TLL1: variants seen among roughly 807,000 people sequenced by gnomAD.
The protein encoded by TLL1 is tolloid-like protein 1.
In TLL1, 49 loss-of-function variants were observed where a neutral mutation model predicts 128.2. The ratio of observed to expected loss-of-function variants is 0.38; its 90% CI spans 0.30 to 0.48. The LOEUF is 0.48. Ranked by LOEUF, TLL1 falls within the 20% of genes least tolerant of loss-of-function variation. The pLI is 0.96. For synonymous variants in TLL1, 454 were observed against 418.8 expected (o/e 1.08, Z -1.03); for missense variants, 1,123 against 1,242.0 (o/e 0.90, Z 1.44).
intron 1 of TLL1, among the ~76,000 whole-genome samples, chr4:165,918,496 T>C (rs1007907234): frequency 7.2e-5 from 11 of 152,184 alleles, no homozygotes; most frequent in African/African-American, 2.7e-4. Context: ...GGGTCCTGAA[T>C]ATTCCTAGTT....
At chr4:165,962,286 G>A (rs1375613945) in intron 1 of TLL1, among the ~76,000 whole-genome samples, 2 of 152,192 alleles carry the variant, frequency 1.3e-5, no homozygotes, top group Non-Finnish European at 2.9e-5. Flanking sequence ...CTTCTCAAAA[G>A]AAGCCATACA....
At chr4:165,895,414 G>A (rs961506394) in intron 1 of TLL1, among the ~76,000 whole-genome samples, 1 of 151,952 alleles carries the variant, frequency 6.6e-6, no homozygotes, top group Non-Finnish European at 1.5e-5. Context: ...ATTAAAATAT[G>A]TGATTTTAAG....
intron 9 of TLL1, chr4:166,030,428 G>A (rs982243777): frequency 3.6e-6 from 2 of 558,354 alleles, no homozygotes; most frequent in Non-Finnish European, 6.6e-6. Flanking sequence ...GATATGATTT[G>A]CATATATTTT....
At chr4:165,964,970 T>G (rs1453986221) in intron 1 of TLL1, among the ~76,000 whole-genome samples, 1 of 152,006 alleles carries the variant, frequency 6.6e-6, no homozygotes, top group Non-Finnish European at 1.5e-5. Flanking sequence ...AATAAATAAA[T>G]GCAATAAAAA....
chr4:165,973,034 G>A (rs374405530), intron 1 of TLL1, among the ~76,000 whole-genome samples: 188 of 152,194 alleles, frequency 1.2e-3, no homozygotes, highest in African/African-American at 4.5e-3. Flanking sequence ...ATGCAGGTCC[G>A]TGCTTTATTA....
chr4:165,935,523 A>G (rs1032167677), intron 1 of TLL1, among the ~76,000 whole-genome samples: 42 of 152,374 alleles, frequency 2.8e-4, no homozygotes, highest in African/African-American at 9.6e-4. Context: ...TTAGCGAATT[A>G]CAAGCTGAAT....
intron 1 of TLL1, among the ~76,000 whole-genome samples, chr4:165,899,858 GTC>G (rs1561014915): frequency 1.3e-5 from 2 of 152,114 alleles, no homozygotes; most frequent in Non-Finnish European, 2.9e-5. Context: ...AGGAGTCTAA[GTC>G]TCTTTGTAGG....
intron 1 of TLL1, among the ~76,000 whole-genome samples, chr4:165,970,355 G>A (rs918264225): frequency 2.0e-5 from 3 of 152,022 alleles, no homozygotes; most frequent in African/African-American, 7.2e-5. Context: ...AGTGGTTTTG[G>A]AAATGAAACA....
intron 1 of TLL1, among the ~76,000 whole-genome samples, chr4:165,922,906 T>C (rs115633658): frequency 0.016 from 2,478 of 152,180 alleles, 67 homozygotes; most frequent in African/African-American, 0.056. Context: ...TCTGATTCCT[T>C]GAGATTTCTT....
intron 1 of TLL1, among the ~76,000 whole-genome samples, chr4:165,876,109 G>A (rs778094317): frequency 7.9e-5 from 12 of 152,206 alleles, no homozygotes; most frequent in Non-Finnish European, 1.6e-4. Context: ...ATGTGTGTGT[G>A]TAATGAGAGG....
chr4:166,073,192 G>T (rs1187802514), intron 16 of TLL1, among the ~76,000 whole-genome samples: 1 of 151,058 alleles, frequency 6.6e-6, no homozygotes. Flanking sequence ...CCTCTAGAAA[G>T]TCAGAGTGAA....
chr4:165,999,481 C>T (rs1737047025), intron 5 of TLL1, among the ~76,000 whole-genome samples: 1 of 151,984 alleles, frequency 6.6e-6, no homozygotes, highest in African/African-American at 2.4e-5. Flanking sequence ...TGAGAACTCC[C>T]TTATTATCAC....
chr4:166,041,085 A>G (rs1739215762), intron 10 of TLL1, among the ~76,000 whole-genome samples: 1 of 152,210 alleles, frequency 6.6e-6, no homozygotes, highest in Non-Finnish European at 1.5e-5. Context: ...ATACAGAATT[A>G]GAAGAAATTA....
At chr4:165,911,738 T>C (rs1264035116) in intron 1 of TLL1, among the ~76,000 whole-genome samples, 1 of 152,202 alleles carries the variant, frequency 6.6e-6, no homozygotes. Context: ...CCTACCTTCA[T>C]GTATTTCATT....
intron 1 of TLL1, among the ~76,000 whole-genome samples, chr4:165,897,662 CTTTTTTTTTT>C (rs951819686): frequency 1.1e-4 from 5 of 47,516 alleles, no homozygotes; most frequent in African/African-American, 4.5e-4. Context: ...GGTAGTCCAG[CTTTTTTTTTT>C]TTTTTTTTTT....
Position 166,055,220 on chromosome 4 carries a change from G to A in TLL1, c.1669G>A (p.Val557Ile), listed in dbSNP as rs537688226. 8 of 1,613,552 alleles carry A rather than the reference G, an allele frequency of 5.0e-6. No homozygotes were observed. The highest frequency in any genetic ancestry group is 6.8e-6 in the Non-Finnish European group (8 of 1,179,782). Residue 557 changes from valine (V) to isoleucine (I), a missense_variant, in exon 13 of 21, where the codon GTT becomes ATT. By Grantham distance (29) the Val-to-Ile change is conservative. Transcript: ENST00000061240. The stretch of plus-strand genomic sequence containing the variant: ...CTCCAATACTTTGTGGATGAAGTTT[G>A]TTTCTGACGGAACTGTGAACAAAGC... ...STSNTLWMKF[V>I]SDGTVNKAGF...
chr4:166,008,146 A>G, intron 7 of TLL1, 98 bp downstream of exon 7: 1 of 843,862 alleles, frequency 1.2e-6, no homozygotes, highest in East Asian at 2.6e-5. Flanking sequence ...ATTACTTTCA[A>G]ATATTGCTAC....
At chr4:165,927,535 G>A (rs1005270540) in intron 1 of TLL1, among the ~76,000 whole-genome samples, 7 of 152,150 alleles carry the variant, frequency 4.6e-5, no homozygotes, top group African/African-American at 1.7e-4. Context: ...TGGCTTCTAT[G>A]CTTAATATGA....
intron 1 of TLL1, among the ~76,000 whole-genome samples, chr4:165,963,232 G>A (rs545720847): frequency 1.8e-4 from 27 of 152,012 alleles, no homozygotes; most frequent in African/African-American, 5.8e-4. Flanking sequence ...CCAAATGCCC[G>A]GGAGTTCTGT....
Sources: gnomAD v4.1 joint callset for allele counts (sites outside exome capture counted in the v4.1 genomes callset) on GRCh38, gnomAD v4.1.1 for gene constraint, MANE v1.5 for transcripts, NCBI Gene and HGNC (gene_info 2026-07-23, HGNC 2026-07-21) for gene names.